Variants in DMD observed in about 807,000 individuals in gnomAD.
DMD encodes mutant dystrophin.
In DMD, 63 loss-of-function variants were observed where a neutral mutation model predicts 330.1. The observed-to-expected ratio is 0.19, with a 90% confidence interval of 0.16 to 0.24. The LOEUF (loss-of-function observed/expected upper bound fraction) is 0.24. Among genes scored for constraint, DMD ranks in the 10% least tolerant of loss-of-function variants. The pLI is 1.00. For missense variants in DMD, 3,344 were observed against 2,684.1 expected, an observed-to-expected ratio of 1.25 and a Z score of -5.43; for synonymous variants, 1,223 against 959.8, an observed-to-expected ratio of 1.27 and a Z score of -5.07.
At chrX:31,236,328 G>A in intron 63 of DMD, among the ~76,000 whole-genome samples, 1 of 112,382 alleles carries the variant, frequency 8.9e-6, no homozygotes, top group Non-Finnish European at 1.9e-5. Context: ...TTTATTAACT[G>A]CAACCAAAAG....
intron 44 of DMD, among the ~76,000 whole-genome samples, chrX:31,991,314 A>G (rs1286691767): frequency 9.0e-6 from 1 of 111,657 alleles, no homozygotes; most frequent in Non-Finnish European, 1.9e-5. Flanking sequence ...AATGGAAAGG[A>G]AAGCAGGCAG....
chrX:32,678,837 C>G (rs1355843998), intron 9 of DMD, among the ~76,000 whole-genome samples: 2 of 111,582 alleles, frequency 1.8e-5, no homozygotes, highest in Admixed American at 1.9e-4. Context: ...TGACTAGGAA[C>G]TTTGACTCCC....
At chrX:31,377,475 T>A (rs1455343404) in intron 60 of DMD, among the ~76,000 whole-genome samples, 2 of 112,096 alleles carry the variant, frequency 1.8e-5, no homozygotes, top group African/African-American at 3.2e-5. Context: ...TGAAGGCCCC[T>A]TTCAACCTAA....
At chrX:32,470,841 T>A (rs1240887417) in intron 22 of DMD, among the ~76,000 whole-genome samples, 1 of 112,536 alleles carries the variant, frequency 8.9e-6, no homozygotes, top group Non-Finnish European at 1.9e-5. Flanking sequence ...CAAAAAAAAT[T>A]CTATGTGATA....
chrX:31,837,588 A>G (rs985034566), intron 48 of DMD, among the ~76,000 whole-genome samples: 2 of 111,775 alleles, frequency 1.8e-5, no homozygotes, highest in Non-Finnish European at 3.8e-5. Flanking sequence ...ACACTAGGAT[A>G]GAGTATCAAT....
intron 9 of DMD, among the ~76,000 whole-genome samples, chrX:32,667,929 C>T (rs1203737842): frequency 9.1e-6 from 1 of 109,353 alleles, no homozygotes; most frequent in Non-Finnish European, 1.9e-5. Flanking sequence ...CACCTAAGGT[C>T]AGGAGTTCAA....
intron 44 of DMD, among the ~76,000 whole-genome samples, chrX:32,100,254 T>C (rs1000095793): frequency 9.1e-6 from 1 of 110,201 alleles, no homozygotes; most frequent in Non-Finnish European, 1.9e-5. Flanking sequence ...AACATATATA[T>C]TATTTACAAG....
intron 1 of DMD, among the ~76,000 whole-genome samples, chrX:33,299,170 G>A (rs1370185091): frequency 1.8e-5 from 2 of 110,109 alleles, no homozygotes; most frequent in African/African-American, 6.6e-5. Flanking sequence ...TTTTTTTCCT[G>A]AGAGTAAGTG....
At chrX:31,123,615 T>C (rs1417030020) in intron 78 of DMD, among the ~76,000 whole-genome samples, 1 of 112,250 alleles carries the variant, frequency 8.9e-6, no homozygotes, top group Non-Finnish European at 1.9e-5. Context: ...GAAATCTGCA[T>C]AATTATTCAT....
At chrX:32,707,480 G>A (rs955738291) in intron 7 of DMD, among the ~76,000 whole-genome samples, 6 of 111,385 alleles carry the variant, frequency 5.4e-5, no homozygotes, top group Non-Finnish European at 1.1e-4. Context: ...ATGAAAATTC[G>A]CAACCAACTG....
intron 47 of DMD, among the ~76,000 whole-genome samples, chrX:31,895,536 C>A (rs2094319880): frequency 9.0e-6 from 1 of 111,632 alleles, no homozygotes; most frequent in African/African-American, 3.3e-5. Context: ...GAAAACAATA[C>A]CAGCTGAATA....
At chrX:32,800,809 C>A (rs2076505366) in intron 7 of DMD, among the ~76,000 whole-genome samples, 1 of 110,936 alleles carries the variant, frequency 9.0e-6, no homozygotes, top group Admixed American at 9.7e-5. Flanking sequence ...GTTTGATTTT[C>A]TGTTCCTATG....
At chrX:33,114,560 A>G (rs2095367252) in intron 1 of DMD, among the ~76,000 whole-genome samples, 1 of 111,767 alleles carries the variant, frequency 8.9e-6, no homozygotes, top group Non-Finnish European at 1.9e-5. Flanking sequence ...TTTCTTATAC[A>G]GTAAGCTTTT....
chrX:33,257,996 C>A (rs1293622788), intron 1 of DMD, among the ~76,000 whole-genome samples: 1 of 111,115 alleles, frequency 9.0e-6, no homozygotes, highest in Non-Finnish European at 1.9e-5. Context: ...CAAAGCAATT[C>A]TTTGTGTAAC....
chrX:32,986,496 ATAAATG>A (rs2092848080), intron 2 of DMD, among the ~76,000 whole-genome samples: 1 of 112,522 alleles, frequency 8.9e-6, no homozygotes, highest in Non-Finnish European at 1.9e-5. Context: ...TCATAGCTAG[ATAAATG>A]TGTGCACACA....
At chrX:31,352,789 T>C (rs1221795220) in intron 60 of DMD, among the ~76,000 whole-genome samples, 1 of 112,354 alleles carries the variant, frequency 8.9e-6, no homozygotes, top group Non-Finnish European at 1.9e-5. Context: ...AACAAATTTA[T>C]GAATGAGAAA....
chrX:32,815,518 T>TAC (rs1355168422), intron 6 of DMD, among the ~76,000 whole-genome samples: 10 of 45,476 alleles, frequency 2.2e-4, no homozygotes, highest in Non-Finnish European at 4.2e-4. Context: ...TATATATATA[T>TAC]ATACACACAC....
At chrX:32,871,384 G>A (rs919398015) in intron 2 of DMD, among the ~76,000 whole-genome samples, 19 of 110,854 alleles carry the variant, frequency 1.7e-4, no homozygotes, top group Admixed American at 9.6e-5. Context: ...CCATACTTAA[G>A]ATCAAGTGGG....
intron 30 of DMD, among the ~76,000 whole-genome samples, chrX:32,400,100 T>C (rs977938737): frequency 3.6e-5 from 4 of 111,760 alleles, no homozygotes; most frequent in Non-Finnish European, 7.5e-5. Context: ...GGGTTTGTCA[T>C]AGATAGCTCT....
Sources: allele counts gnomAD v4.1 joint callset (sites outside exome capture counted in the v4.1 genomes callset), GRCh38; gene constraint gnomAD v4.1.1; transcripts MANE v1.5; gene names NCBI Gene and HGNC (gene_info 2026-07-23, HGNC 2026-07-21).